MED16: variants seen among roughly 807,000 people sequenced by gnomAD.
MED16 encodes mediator complex subunit 16, also known as mediator of RNA polymerase II transcription subunit 16.
A neutral mutation model predicts 84.4 loss-of-function variants in MED16; 81 were observed. That is an observed-to-expected ratio of 0.96 (90% confidence interval 0.80 to 1.15). MED16 has a LOEUF of 1.15. Ranked by LOEUF, MED16 falls within the 50% of genes most tolerant of loss-of-function variation. The pLI is 0.00. For missense variants in MED16, 1,585 were observed against 1,245.9 expected, an observed-to-expected ratio of 1.27 and a Z score of -4.10; for synonymous variants, 897 against 552.2, an observed-to-expected ratio of 1.62 and a Z score of -8.76.
chr19:870,159 C>T (rs564080110), intron 13 of MED16, among the ~76,000 whole-genome samples: 4 of 152,338 alleles, frequency 2.6e-5, no homozygotes, highest in African/African-American at 9.6e-5. Context: ...CGTCTCTCTC[C>T]ATCCACAGAG....
Position 877,027 on chromosome 19 carries a change from G to A in MED16, c.1507C>T (p.Leu503=), listed in dbSNP as rs376567444. Residue 503 remains leucine, a synonymous_variant, in exon 9 of 16, where the codon CTG becomes TTG. Transcript: ENST00000325464. The part of the protein sequence containing the change: ...LHVQPSMVQS[L]VEKLHEEYTR... ...TACTCCTCGTGCAGCTTCTCCACCA[G>A]GCTCTGTACCATACTGGGCTGCACG... The A allele has an allele frequency of 1.9e-6, 3 of 1,612,370 alleles. No homozygotes were observed. The highest frequency in any genetic ancestry group is 1.3e-5 in the African/African-American group (1 of 74,854).
At chr19:873,280 A>C (rs2036139898) in intron 11 of MED16, among the ~76,000 whole-genome samples, 169 bp downstream of exon 11, 1 of 50,430 alleles carries the variant, frequency 2.0e-5, no homozygotes, top group South Asian at 7.6e-4. Flanking sequence ...CTGAGGTGGG[A>C]CTCCAAGCAG....
chr19:868,316 AG>A, intron 15 of MED16, 65 bp from the exon 16 acceptor site: 1 of 1,582,752 alleles, frequency 6.3e-7, no homozygotes, highest in African/African-American at 1.3e-5. Context: ...CTCTTGCAGC[AG>A]CCGGGCTCAG....
At chr19:877,608 C>A (rs1208775388) in intron 8 of MED16, among the ~76,000 whole-genome samples, 1 of 152,068 alleles carries the variant, frequency 6.6e-6, no homozygotes, top group Non-Finnish European at 1.5e-5. Flanking sequence ...ACCTGTGGTC[C>A]CTTCCCCCGG....
chr19:888,226 A>C (rs917333884), intron 4 of MED16, among the ~76,000 whole-genome samples: 1 of 149,242 alleles, frequency 6.7e-6, no homozygotes, highest in Non-Finnish European at 1.5e-5. Flanking sequence ...AACAAACAAA[A>C]AAGATAAAGG....
intron 2 of MED16, 190 bp from the exon 3 acceptor site, chr19:890,434 C>T (rs567308940): frequency 4.1e-6 from 2 of 485,714 alleles, no homozygotes. Context: ...CTGTGAGGCG[C>T]CACAACTGTG....
At position 880,080 on chromosome 19, in the gene MED16, C is replaced by A. The variant is rs144143613; in HGVS notation, c.1210G>T (p.Val404Phe). Residue 404 changes from valine to phenylalanine, a missense_variant, in exon 8 of 16, where the codon GTC (valine) becomes TTC (phenylalanine). Transcript: ENST00000325464. Reference protein sequence around the residue: ...VHRLSLQTMAVFYSSAAPRPV... With the variant: ...VHRLSLQTMAFFYSSAAPRPV... ...CTCGGGGCCGCGGAGCTGTAGAAGACGGCCATGGTCTGCAGTGAGAGCCGG... is the reference window on the plus strand; with the variant it reads ...CTCGGGGCCGCGGAGCTGTAGAAGAAGGCCATGGTCTGCAGTGAGAGCCGG... The A allele has an allele frequency of 6.2e-7, 1 of 1,610,876 alleles. No individual in the cohort carries two copies. Among genetic ancestry groups the A allele is most frequent in the Non-Finnish European group, 8.5e-7 (1 of 1,179,382 alleles).
At chr19:873,756 G>C (rs981837231) in intron 10 of MED16, among the ~76,000 whole-genome samples, 174 bp from the exon 11 acceptor site, 1 of 151,974 alleles carries the variant, frequency 6.6e-6, no homozygotes, top group Non-Finnish European at 1.5e-5. Context: ...GAGGAACTGG[G>C]AGCCCACTGC....
chr19:885,059 C>T (rs575866495), intron 5 of MED16, 51 bp from the exon 6 acceptor site: 206 of 1,392,916 alleles, frequency 1.5e-4, no homozygotes, highest in South Asian at 4.1e-4. Context: ...GTGGTGGCCA[C>T]GCCACCACCG....
At chr19:884,556 C>A (rs2036486629) in intron 6 of MED16, among the ~76,000 whole-genome samples, 1 of 152,150 alleles carries the variant, frequency 6.6e-6, no homozygotes, top group African/African-American at 2.4e-5. Flanking sequence ...CCCGACGGCC[C>A]CACCCACAGA....
intron 8 of MED16, among the ~76,000 whole-genome samples, chr19:877,595 T>TGGCGAGGGGCTG (rs1555716201): frequency 8.0e-5 from 7 of 87,074 alleles, no homozygotes; most frequent in Non-Finnish European, 1.3e-4. Context: ...GCGAGGGGCT[T>TGGCGAGGGGCTG]GCACCTGTGG....
At position 869,047 on chromosome 19, in the gene MED16, C is replaced by T. The variant is rs191871635; in HGVS notation, c.2316-101G>A. 5.8e-3 allele frequency: 5,893 copies of T among 1,016,938 alleles called. 31 individuals carry two copies. The highest frequency in any genetic ancestry group is 7.1e-3 in the Non-Finnish European group (5,094 of 714,940). The allele number at this position is 1,016,938 out of a possible 1,614,324, so 63.0% of individuals were successfully genotyped here. On this transcript the variant is annotated intron_variant, in intron 13 of 15. Coordinates refer to ENST00000325464, the MANE Select transcript of MED16 (RefSeq NM_005481.3). Reference sequence around the variant, plus strand: ...GGCGGGGGTGGAGGGAATGGCCGGCCTCACACCATCTGCCAGGTGGGCCCA... The same window carrying T: ...GGCGGGGGTGGAGGGAATGGCCGGCTTCACACCATCTGCCAGGTGGGCCCA...
chr19:870,566 CAAAA>C (rs1227950208), intron 13 of MED16, among the ~76,000 whole-genome samples: 6 of 103,676 alleles, frequency 5.8e-5, no homozygotes, highest in Non-Finnish European at 7.7e-5. Context: ...GTCGGGGAGA[CAAAA>C]AAAAAAAAAA....
At chr19:876,476 G>C (rs372488846) in intron 9 of MED16, among the ~76,000 whole-genome samples, 1 of 152,136 alleles carries the variant, frequency 6.6e-6, no homozygotes, top group Non-Finnish European at 1.5e-5. Context: ...GATACCTCCA[G>C]ACTGGGAACA....
In MED16 at chr19:886,591, C is replaced by G. The variant is rs369309247; in HGVS notation, c.448-390G>C. 2.0e-4 allele frequency among the ~76,000 whole-genome samples: 31 copies of G among 152,362 alleles called. 1 individual carries two copies. The highest frequency in any genetic ancestry group is 7.5e-4 in the African/African-American group (31 of 41,598). Reference sequence around the variant, plus strand: ...CACACAGGCAGCTGGTGCCAATGAGCCACACTCACAAACCCAGGCGGGGGC... The same window carrying G: ...CACACAGGCAGCTGGTGCCAATGAGGCACACTCACAAACCCAGGCGGGGGC... On this transcript the variant is annotated intron_variant, in intron 4 of 15. Transcript: ENST00000325464.
chr19:871,486 A>C (rs1016046475), intron 12 of MED16: 1 of 1,475,952 alleles, frequency 6.8e-7, no homozygotes, highest in African/African-American at 1.4e-5. Context: ...AGACTCCCTC[A>C]TTCACTTAAA....
At chr19:874,269 A>G (rs1293559158) in intron 10 of MED16, among the ~76,000 whole-genome samples, 2 of 151,824 alleles carry the variant, frequency 1.3e-5, no homozygotes, top group African/African-American at 4.8e-5. Context: ...GCCCGCCACC[A>G]CGCCCGGCTG....
intron 8 of MED16, among the ~76,000 whole-genome samples, chr19:878,093 CCCAGCG>C (rs1265310215): frequency 0.07 from 5,482 of 77,898 alleles, 3 homozygotes; most frequent in African/African-American, 0.093. Flanking sequence ...CAGCCCCAGC[CCCAGCG>C]CCACGTGCCC....
chr19:870,681 G>A (rs763082280), intron 13 of MED16, among the ~76,000 whole-genome samples: 4 of 151,968 alleles, frequency 2.6e-5, no homozygotes, highest in Non-Finnish European at 5.9e-5. Flanking sequence ...GCACCTAGAA[G>A]GAAGCAGCAG....
Sources: gnomAD v4.1 joint callset for allele counts (sites outside exome capture counted in the v4.1 genomes callset) on GRCh38, gnomAD v4.1.1 for gene constraint, MANE v1.5 for transcripts, NCBI Gene and HGNC (gene_info 2026-07-23, HGNC 2026-07-21) for gene names.